The following PTGS1 variants were observed in gnomAD, a reference collection of about 807,000 sequenced individuals.
The protein encoded by PTGS1 is prostaglandin G/H synthase 1.
Under a neutral mutation model 63.0 loss-of-function variants are expected in PTGS1, and 40 were observed. The observed-to-expected ratio is 0.63, with a 90% CI of 0.49 to 0.83. The LOEUF is 0.83. Ranked by LOEUF, PTGS1 falls within the 40% of genes least tolerant of loss-of-function variation. The pLI is 0.00. For missense variants in PTGS1, 709 were observed against 786.5 expected (o/e 0.90, Z 1.18); for synonymous variants, 298 against 301.9 (o/e 0.99, Z 0.13).
At chr9:122,376,638 T>C (rs1296062804) in intron 2 of PTGS1, among the ~76,000 whole-genome samples, 2 of 152,190 alleles carry the variant, frequency 1.3e-5, no homozygotes, top group Non-Finnish European at 2.9e-5. Flanking sequence ...CCATATTCCC[T>C]GTAACGTTGG....
chr9:122,381,907 C>T (rs1410411482), intron 7 of PTGS1, among the ~76,000 whole-genome samples, 160 bp downstream of exon 7: 2 of 152,278 alleles, frequency 1.3e-5, no homozygotes, highest in East Asian at 3.9e-4. Flanking sequence ...GAGGAGGCAG[C>T]AGGTATGAGA....
chr9:122,370,950 A>G, upstream of PTGS1: 2 of 1,349,772 alleles, frequency 1.5e-6, no homozygotes, highest in Non-Finnish European at 2.0e-6. Context: ...CGGGCAGCCG[A>G]GGTGACAGCT....
rs1308012947 is a variant in PTGS1 at position 122,390,304 on chromosome 9, G to A, written c.1403G>A (p.Arg468Lys). The change falls in exon 10 of 11, where the codon AGG becomes AAG. Residue 468 changes from arginine to lysine, a missense_variant. Coordinates refer to ENST00000362012, the MANE Select transcript of PTGS1 (RefSeq NM_000962.4). ...RLQPFNEYRK[R>K]FGMKPYTSFQ... ...CAGCCCTTCAATGAGTACCGCAAGA[G>A]GTTTGGCATGAAACCCTACACCTCC... is the stretch of plus-strand genomic sequence containing the variant. 1.9e-6 allele frequency: 3 copies of A among 1,614,072 alleles called. No homozygotes were observed.
chr9:122,389,148 CTTTTTTTT>C (rs11313763), intron 9 of PTGS1, among the ~76,000 whole-genome samples: 1 of 81,522 alleles, frequency 1.2e-5, no homozygotes, highest in African/African-American at 4.0e-5. Flanking sequence ...CTTTTCTTTC[CTTTTTTTT>C]TTTTTTTTTT....
intron 3 of PTGS1, 131 bp downstream of exon 3, chr9:122,378,146 C>A (rs930626795): frequency 1.0e-6 from 1 of 965,650 alleles, no homozygotes; most frequent in Non-Finnish European, 1.6e-6. Context: ...CCTGGTTCTG[C>A]CCCTCTCCCT....
At position 122,386,534 on chromosome 9, in the gene PTGS1, C is replaced by T. The variant is rs201018159; in HGVS notation, c.1098C>T (p.Phe366=). Residue 366 remains phenylalanine (F), a synonymous_variant, in exon 9 of 11, where the codon TTC becomes TTT. Transcript: ENST00000362012. ...TGAAATTTGACCCAGAGCTGCTGTT[C>T]GGTGTCCAGTTCCAATACCGCAACC... ...LQLKFDPELL[F]GVQFQYRNRI... is the part of the protein sequence containing the mutation. 6.6e-5 allele frequency: 106 copies of T among 1,614,020 alleles called. 1 individual carries two copies. Among genetic ancestry groups the T allele is most frequent in the Middle Eastern group, 3.3e-4 (2 of 6,084 alleles).
At chr9:122,380,119 T>C (rs190149248) in intron 5 of PTGS1, among the ~76,000 whole-genome samples, 43 of 152,280 alleles carry the variant, frequency 2.8e-4, no homozygotes, top group Admixed American at 5.9e-4. Flanking sequence ...AGCCTGCTAG[T>C]CCTTTTGGAC....
intron 2 of PTGS1, among the ~76,000 whole-genome samples, 189 bp from the exon 3 acceptor site, chr9:122,377,710 G>A (rs1284449046): frequency 6.6e-6 from 1 of 152,196 alleles, no homozygotes; most frequent in Non-Finnish European, 1.5e-5. Context: ...GTCAGGATGG[G>A]TGGTTTATGT....
At position 122,393,567 on chromosome 9, in the gene PTGS1, T is replaced by A. The variant is rs1838410086; in HGVS notation, c.*1023T>A. 6.6e-6 allele frequency: 1 copy of A among 152,270 alleles called. No homozygotes were observed. The highest frequency in any genetic ancestry group is 6.5e-5 in the Admixed American group (1 of 15,286). 9.4% of individuals were successfully genotyped at this position (152,270 alleles called of 1,614,324 possible). ...GATATAACATTCAGTTCCCACCATC[T>A]GATTAAAACAACTTCCTCCCTTACA... On this transcript the variant is annotated 3_prime_UTR_variant, in exon 11 of 11. Transcript: ENST00000362012.
intron 10 of PTGS1, among the ~76,000 whole-genome samples, chr9:122,391,222 T>C (rs1050388351): frequency 2.0e-5 from 3 of 147,688 alleles, no homozygotes; most frequent in Non-Finnish European, 4.5e-5. Context: ...ATGAATAAAG[T>C]ATATATACAT....
At chr9:122,384,156 G>A (rs1014041403) in intron 8 of PTGS1, among the ~76,000 whole-genome samples, 3 of 152,030 alleles carry the variant, frequency 2.0e-5, no homozygotes, top group Non-Finnish European at 4.4e-5. Context: ...TAACTTGCCC[G>A]GCCTTCAGGA....
In PTGS1 at chr9:122,377,003, C is replaced by T. The variant is rs554626271; in HGVS notation, c.95-896C>T. On this transcript the variant is annotated intron_variant, in intron 2 of 10. Transcript: ENST00000362012. ...GCAGGGCGGATGCCAGAGCTCCATG[C>T]ACCCTCCCAGGAGATTTTCTAGCCC... is the stretch of plus-strand genomic sequence containing the variant. Among the ~76,000 whole-genome samples the T allele has an allele frequency of 8.5e-5, 13 of 152,320 alleles. No homozygotes were observed. In the South Asian group the frequency reaches 1.2e-3, roughly 15 times the overall value.
chr9:122,381,815 TGGGGC>T (rs999744269), intron 7 of PTGS1, 68 bp downstream of exon 7: 11 of 1,493,568 alleles, frequency 7.4e-6, no homozygotes, highest in African/African-American at 4.2e-5. Context: ...AAAGACTGCT[TGGGGC>T]GGGGGTCTGG....
In PTGS1 at chr9:122,393,794, C is replaced by T. The variant is rs1419340569; in HGVS notation, c.*1250C>T. 3.9e-5 allele frequency: 6 copies of T among 152,240 alleles called. No individual in the cohort carries two copies. The highest frequency in any genetic ancestry group is 8.8e-5 in the Non-Finnish European group (6 of 68,048). The allele number at this position is 152,240 out of a possible 1,614,324, so 9.4% of individuals were successfully genotyped here. Reference sequence around the variant, plus strand: ...CCAGAGCTTGTGCTCCTCTTGATTCCTGGTTTGACTCAGTTCCAGGCCTGA... The same window carrying T: ...CCAGAGCTTGTGCTCCTCTTGATTCTTGGTTTGACTCAGTTCCAGGCCTGA... On this transcript the variant is annotated 3_prime_UTR_variant, in exon 11 of 11. Transcript: ENST00000362012.
intron 5 of PTGS1, 120 bp from the exon 6 acceptor site, chr9:122,381,251 G>A: frequency 1.0e-6 from 1 of 984,206 alleles, no homozygotes. Flanking sequence ...TGGGGAGGTG[G>A]TCCTGAGGAG....
intron 9 of PTGS1, among the ~76,000 whole-genome samples, chr9:122,388,291 C>T (rs942639287): frequency 2.6e-5 from 4 of 152,018 alleles, no homozygotes; most frequent in African/African-American, 9.7e-5. Context: ...AGCGATCTGC[C>T]CGCCTAGGCC....
intron 5 of PTGS1, among the ~76,000 whole-genome samples, chr9:122,380,397 C>T (rs532933466): frequency 6.6e-6 from 1 of 151,764 alleles, no homozygotes; most frequent in East Asian, 1.9e-4. Context: ...CCCAGGAGGT[C>T]GAGGCTGTAG....
rs1411537716 is a variant in PTGS1 at position 122,383,751 on chromosome 9, C to T, written c.1005C>T (p.Leu335=). The part of the protein sequence containing the change: ...EQLFQTTRLI[L]IGETIKIVIE... ...TTTTCCAGACGACCCGCCTCATCCTCATAGGTGAGGACTCCAGACCTGCCC... is the reference window on the plus strand; with the variant it reads ...TTTTCCAGACGACCCGCCTCATCCTTATAGGTGAGGACTCCAGACCTGCCC... The change falls in exon 8 of 11, where the codon CTC becomes CTT. Residue 335 remains leucine (L), a synonymous_variant. Transcript: ENST00000362012. 4.3e-6 allele frequency: 7 copies of T among 1,609,610 alleles called. No homozygotes were observed. The Admixed American group carries it at 6.7e-5, about 15-fold the overall frequency.
At chr9:122,375,717 CTCAGCTGAT>C (rs1837099552) in intron 2 of PTGS1, among the ~76,000 whole-genome samples, 1 of 152,026 alleles carries the variant, frequency 6.6e-6, no homozygotes, top group Non-Finnish European at 1.5e-5. Context: ...AAGGCGTGGG[CTCAGCTGAT>C]TTGGAGGAAA....
Sources: allele counts gnomAD v4.1 joint callset (sites outside exome capture counted in the v4.1 genomes callset), GRCh38; gene constraint gnomAD v4.1.1; transcripts MANE v1.5; gene names NCBI Gene and HGNC (gene_info 2026-07-23, HGNC 2026-07-21).